The following UBR3 variants were observed in gnomAD, a reference collection of about 807,000 sequenced individuals.
UBR3 encodes ubiquitin protein ligase E3 component n-recognin 3, also known as E3 ubiquitin-protein ligase UBR3.
UBR3 carries 85 observed loss-of-function variants against 243.2 expected under a neutral mutation model. The observed-to-expected ratio is 0.35, with a 90% CI of 0.29 to 0.42. The LOEUF (loss-of-function observed/expected upper bound fraction) is 0.42, where lower values mean the gene tolerates loss of function less well. Among genes scored for constraint, UBR3 ranks in the 10% least tolerant of loss-of-function variants. The pLI is 1.00. For synonymous variants in UBR3, 748 were observed against 799.8 expected, an observed-to-expected ratio of 0.94 and a Z score of 1.09; for missense variants, 1,686 against 2,300.8, an observed-to-expected ratio of 0.73 and a Z score of 5.47.
intron 1 of UBR3, among the ~76,000 whole-genome samples, chr2:169,866,150 CAAAAA>C (rs578054467): frequency 1.9e-5 from 1 of 53,380 alleles, no homozygotes; most frequent in African/African-American, 1.1e-4. Context: ...GACTGTGTCT[CAAAAA>C]AAAAAAAAAA....
At chr2:169,833,812 C>T (rs1410948728) in intron 1 of UBR3, among the ~76,000 whole-genome samples, 7 of 150,842 alleles carry the variant, frequency 4.6e-5, no homozygotes, top group South Asian at 4.2e-4. Flanking sequence ...GACAGGTTCT[C>T]GCAGTGTCTC....
At chr2:169,970,490 A>G (rs1248989635) in intron 24 of UBR3, among the ~76,000 whole-genome samples, 2 of 81,356 alleles carry the variant, frequency 2.5e-5, no homozygotes, top group African/African-American at 4.8e-5. Context: ...CCACCCCACA[A>G]CAGTCCCCAG....
intron 1 of UBR3, among the ~76,000 whole-genome samples, chr2:169,855,900 C>T (rs2082829915): frequency 6.6e-6 from 1 of 152,174 alleles, no homozygotes; most frequent in African/African-American, 2.4e-5. Flanking sequence ...GGCAGAGGGG[C>T]TCCTCACTTC....
At chr2:169,981,710 T>C (rs530355828) in intron 24 of UBR3, among the ~76,000 whole-genome samples, 1 of 152,212 alleles carries the variant, frequency 6.6e-6, no homozygotes, top group South Asian at 2.1e-4. Flanking sequence ...TATATATTCA[T>C]TAATTCTAAC....
intron 23 of UBR3, among the ~76,000 whole-genome samples, chr2:169,956,788 T>C (rs1197155378): frequency 6.6e-6 from 1 of 152,226 alleles, no homozygotes; most frequent in African/African-American, 2.4e-5. Context: ...TATTTCATTC[T>C]TCTGAATTTT....
chr2:169,850,874 C>T (rs1473143998), intron 1 of UBR3, among the ~76,000 whole-genome samples: 1 of 151,416 alleles, frequency 6.6e-6, no homozygotes, highest in Non-Finnish European at 1.5e-5. Context: ...TTTTAAAGGG[C>T]TAAGTAGGAA....
chr2:169,990,426 T>G (rs577464031), intron 25 of UBR3, among the ~76,000 whole-genome samples: 7 of 152,148 alleles, frequency 4.6e-5, no homozygotes, highest in South Asian at 2.1e-4. Context: ...ATTCAGAAAG[T>G]CCAAAGTTGC....
Position 169,875,951 on chromosome 2 carries a change from T to TA in UBR3, c.844+2_844+3insA. On this transcript the variant is annotated splice_region_variant and intron_variant, in intron 3 of 38. Coordinates refer to ENST00000272793, the MANE Select transcript of UBR3 (RefSeq NM_172070.4). ...AAAACTACAAAGATCTGACTTCTGG[T>TA]GAGTAAAATGTTAGAAGAAATTTAT... is the stretch of plus-strand genomic sequence containing the variant. The TA allele has an allele frequency of 6.7e-7, 1 of 1,499,174 alleles. No individual in the cohort carries two copies. Among genetic ancestry groups the TA allele is most frequent in the Non-Finnish European group, 8.9e-7 (1 of 1,127,232 alleles). 92.9% of individuals were successfully genotyped at this position (1,499,174 alleles called of 1,614,324 possible).
At chr2:169,899,233 G>T (rs1036693977) in intron 8 of UBR3, among the ~76,000 whole-genome samples, 4 of 152,006 alleles carry the variant, frequency 2.6e-5, no homozygotes, top group African/African-American at 9.7e-5. Flanking sequence ...ACCCACCTCG[G>T]CCTCCCAAAG....
At chr2:169,843,669 T>C (rs1256363425) in intron 1 of UBR3, among the ~76,000 whole-genome samples, 1 of 152,252 alleles carries the variant, frequency 6.6e-6, no homozygotes, top group African/African-American at 2.4e-5. Flanking sequence ...TATCCTTTTA[T>C]AGATTGCTGG....
chr2:169,951,828 T>C (rs1368122341), intron 23 of UBR3, among the ~76,000 whole-genome samples: 1 of 152,046 alleles, frequency 6.6e-6, no homozygotes, highest in East Asian at 1.9e-4. Flanking sequence ...ATTTAGCAGG[T>C]ACAAGTTGTT....
intron 24 of UBR3, among the ~76,000 whole-genome samples, chr2:169,963,063 A>C (rs1310401640): frequency 1.3e-5 from 2 of 152,138 alleles, no homozygotes; most frequent in Non-Finnish European, 2.9e-5. Flanking sequence ...AGTTTTCTCT[A>C]AGCTGCTTGT....
chr2:169,959,629 T>G (rs2087472772), intron 24 of UBR3, among the ~76,000 whole-genome samples: 1 of 152,094 alleles, frequency 6.6e-6, no homozygotes, highest in Non-Finnish European at 1.5e-5. Context: ...GAGAATTGGC[T>G]TATGTAATTA....
chr2:169,908,333 T>G (rs2085099783), intron 10 of UBR3, among the ~76,000 whole-genome samples: 1 of 152,202 alleles, frequency 6.6e-6, no homozygotes, highest in Non-Finnish European at 1.5e-5. Flanking sequence ...CTCTTTGAAA[T>G]TTTAAAGTTT....
chr2:169,968,308 CTG>C (rs1229683182), intron 24 of UBR3, among the ~76,000 whole-genome samples: 2 of 152,142 alleles, frequency 1.3e-5, no homozygotes, highest in African/African-American at 4.8e-5. Flanking sequence ...CCTTCTATAA[CTG>C]TATGTTTGTA....
intron 29 of UBR3, among the ~76,000 whole-genome samples, chr2:170,009,871 T>C (rs2090033398): frequency 2.0e-5 from 3 of 152,092 alleles, no homozygotes; most frequent in African/African-American, 7.2e-5. Flanking sequence ...TTCTATTATG[T>C]ATATAGTTGA....
chr2:169,837,518 A>G (rs1167387033), intron 1 of UBR3, among the ~76,000 whole-genome samples: 26 of 152,240 alleles, frequency 1.7e-4, no homozygotes, highest in Non-Finnish European at 4.4e-5. Flanking sequence ...TGGGTGATTT[A>G]TAAAGGAAAG....
chr2:170,025,496 G>GA (rs2090505738), intron 30 of UBR3, among the ~76,000 whole-genome samples: 1 of 152,148 alleles, frequency 6.6e-6, no homozygotes, highest in Admixed American at 6.6e-5. Context: ...TACTTGGAAA[G>GA]AAAAGAAGGA....
intron 35 of UBR3, among the ~76,000 whole-genome samples, chr2:170,071,092 T>C (rs2091687641): frequency 6.6e-6 from 1 of 152,160 alleles, no homozygotes; most frequent in South Asian, 2.1e-4. Flanking sequence ...TTGGCGAGGA[T>C]TTGAAGTCCT....
Sources: allele counts gnomAD v4.1 joint callset (sites outside exome capture counted in the v4.1 genomes callset), GRCh38; gene constraint gnomAD v4.1.1; transcripts MANE v1.5; gene names NCBI Gene and HGNC (gene_info 2026-07-23, HGNC 2026-07-21).